CELSR1: variants seen among roughly 807,000 people sequenced by gnomAD.
CELSR1 encodes the protein cadherin EGF LAG seven-pass G-type receptor 1, also known as adhesion G protein-coupled receptor C1.
CELSR1 carries 110 observed loss-of-function variants against 249.1 expected under a neutral mutation model. That is an observed-to-expected ratio of 0.44 (90% CI 0.38 to 0.52). CELSR1 has a LOEUF of 0.52. Among genes scored for constraint, CELSR1 ranks in the 20% least tolerant of loss-of-function variants. The probability of loss-of-function intolerance (pLI) is 0.00; values close to 1 mark genes in which losing one functional copy is unlikely to be tolerated. For synonymous variants in CELSR1, 2,113 were observed against 1,900.0 expected (o/e 1.11, Z -2.92); for missense variants, 4,109 against 4,296.4 (o/e 0.96, Z 1.22).
rs541324629 is a variant in CELSR1 at position 46,405,360 on chromosome 22, T to C, written c.5226+3636A>G. On this transcript the variant is annotated intron_variant, in intron 9 of 34. Transcript: ENST00000674500. ...CTGTAGCCCCAACTACTCGGGAGGC[T>C]GAGGCAGGAGAATGGCGTGAACCTG... 6.7e-5 allele frequency among the ~76,000 whole-genome samples: 10 copies of C among 148,672 alleles called. No homozygotes were observed. In the South Asian group the frequency reaches 1.7e-3, roughly 25 times the overall value.
At chr22:46,504,510 A>AAAAC (rs796775362) in intron 1 of CELSR1, among the ~76,000 whole-genome samples, 3 of 143,576 alleles carry the variant, frequency 2.1e-5, no homozygotes, top group African/African-American at 7.5e-5. Flanking sequence ...TCTCCAAAAA[A>AAAAC]AAAAAAAAAA....
intron 5 of CELSR1, among the ~76,000 whole-genome samples, chr22:46,431,411 G>A (rs2079594269): frequency 6.6e-6 from 1 of 152,226 alleles, no homozygotes; most frequent in African/African-American, 2.4e-5. Context: ...GACCAAGGCT[G>A]ACTCGACCTC....
chr22:46,464,372 A>C lies in CELSR1; in HGVS notation c.3545-27T>G. 6.3e-7 allele frequency: 1 copy of C among 1,595,464 alleles called. No homozygotes were observed. The highest frequency in any genetic ancestry group is 8.5e-7 in the Non-Finnish European group (1 of 1,170,610). Reference sequence around the variant, plus strand: ...TGCAGACACAAGGAAAGTCAGGGTCATTCAGATGCTGCGGGAGTCACAGGT... The same window carrying C: ...TGCAGACACAAGGAAAGTCAGGGTCCTTCAGATGCTGCGGGAGTCACAGGT... On this transcript the variant is annotated intron_variant, in intron 1 of 34. Transcript: ENST00000674500. The surrounding 1 kb of genome is among the most constrained non-coding windows in gnomAD (Gnocchi z 8.5).
chr22:46,531,958 T>A (rs55768549), intron 1 of CELSR1, among the ~76,000 whole-genome samples: 144,370 of 151,980 alleles, frequency 0.95, 68,611 homozygotes, highest in East Asian at 1. Flanking sequence ...TGACTGAGAC[T>A]GGATGACTAC....
rs749849021 is a variant in CELSR1 at position 46,389,435 on chromosome 22, G to A, written c.6410C>T (p.Ala2137Val). The A allele has an allele frequency of 2.0e-5, 33 of 1,612,696 alleles. 1 individual carries two copies. The highest frequency in any genetic ancestry group is 1.6e-4 in the East Asian group (7 of 44,882). The change falls in exon 18 of 35, where the codon GCG becomes GTG. Residue 2137 changes from alanine to valine, a missense_variant. By Grantham distance (64) the Ala-to-Val change is moderately conservative. This residue lies in a region of CELSR1 where 1,805 missense variants were observed against 1,831.6 expected (regional missense o/e 0.99). Transcript: ENST00000674500. ...DGARALQLVR[A>V]LRSATQHTGT... ...CGTGTGCTGTGTAGCACTGCGCAGC[G>A]CCCTCACCAGCTGCAGGGCCCTGGC...
chr22:46,479,566 A>G (rs1357277902), intron 1 of CELSR1, among the ~76,000 whole-genome samples: 2 of 125,812 alleles, frequency 1.6e-5, no homozygotes, highest in East Asian at 5.6e-4. Context: ...GCTGGGTTCC[A>G]GGGGCCAGGG....
chr22:46,416,599 C>G (rs376685040), intron 5 of CELSR1, among the ~76,000 whole-genome samples: 1 of 152,178 alleles, frequency 6.6e-6, no homozygotes, highest in African/African-American at 2.4e-5. Context: ...GAAACAGAGC[C>G]AGCAAGGAAA....
Position 46,390,560 on chromosome 22 carries a change from A to G in CELSR1, c.6251-74T>C. Reference sequence around the variant, plus strand: ...CAATGCTTGTGTATTTCAATCCACAATCTGAATATACTTAAACCCAGAACA... The same window carrying G: ...CAATGCTTGTGTATTTCAATCCACAGTCTGAATATACTTAAACCCAGAACA... On this transcript the variant is annotated intron_variant, in intron 16 of 34. Transcript: ENST00000674500. The surrounding 1 kb of genome is among the most constrained non-coding windows in gnomAD (Gnocchi z 6.3). 1 of 1,229,116 alleles carries G rather than the reference A, an allele frequency of 8.1e-7. No individual in the cohort carries two copies. Among genetic ancestry groups the G allele is most frequent in the South Asian group, 1.3e-5 (1 of 76,910 alleles). 76.1% of individuals were successfully genotyped at this position (1,229,116 alleles called of 1,614,324 possible).
intron 19 of CELSR1, among the ~76,000 whole-genome samples, chr22:46,385,674 A>ATT (rs747955777): frequency 2.5e-4 from 33 of 132,216 alleles, no homozygotes; most frequent in East Asian, 4.5e-4. Flanking sequence ...CCTGCCGAAT[A>ATT]TTTTTTTTTT....
At chr22:46,405,459 CA>C (rs869105580) in intron 9 of CELSR1, among the ~76,000 whole-genome samples, 19,106 of 84,778 alleles carry the variant, frequency 0.23, 920 homozygotes, top group African/African-American at 0.24. Context: ...GACTCCGTCT[CA>C]AAAAAAAAAA....
rs2079173234 is a variant in CELSR1, at chr22:46,398,304, AGC to A, written c.5526+218_5526+219del. ...GCAGGTGGCTGGCATGGCGGTGGGG[AGC>A]TGTGGGGGCCAGGGACGGCCCGGAT... is the stretch of plus-strand genomic sequence containing the variant. On this transcript the variant is annotated intron_variant, in intron 11 of 34. Coordinates refer to ENST00000674500, the MANE Select transcript of CELSR1 (RefSeq NM_001378328.1). The surrounding 1 kb of genome is among the most constrained non-coding windows in gnomAD (Gnocchi z 7.2). 1.3e-5 allele frequency among the ~76,000 whole-genome samples: 2 copies of A among 151,796 alleles called. No individual in the cohort carries two copies. The highest frequency in any genetic ancestry group is 1.3e-4 in the Admixed American group (2 of 15,248).
At chr22:46,467,952 G>A (rs1452758609) in intron 1 of CELSR1, among the ~76,000 whole-genome samples, 2 of 152,102 alleles carry the variant, frequency 1.3e-5, no homozygotes, top group African/African-American at 2.4e-5. Flanking sequence ...GCTGTCTTAC[G>A]ATTAGCATGT....
In CELSR1 at chr22:46,536,217, C is replaced by G. The variant is rs752568738; in HGVS notation, c.954G>C (p.Thr318=). 1.2e-6 allele frequency: 2 copies of G among 1,612,636 alleles called. No homozygotes were observed. The highest frequency in any genetic ancestry group is 8.5e-7 in the Non-Finnish European group (1 of 1,179,986). ...CCACGGCTTTCACCCTGAGGACGTG[C>G]GTCTCCTTGGTCTCGCGGTCCAGTA... is the stretch of plus-strand genomic sequence containing the variant. ...DSVLDRETKE[T]HVLRVKAVDY... The change falls in exon 1 of 35, where the codon ACG becomes ACC. Residue 318 remains threonine, a synonymous_variant. Coordinates refer to ENST00000674500, the MANE Select transcript of CELSR1 (RefSeq NM_001378328.1).
rs2079819210 is a variant in CELSR1 at position 46,446,257 on chromosome 22, T to C, written c.4184-6846A>G. Among the ~76,000 whole-genome samples the C allele has an allele frequency of 6.6e-6, 1 of 152,204 alleles. No homozygotes were observed. The highest frequency in any genetic ancestry group is 6.5e-5 in the Admixed American group (1 of 15,288). On this transcript the variant is annotated intron_variant, in intron 2 of 34. Transcript: ENST00000674500. This position sits in a 1 kb window ranked among gnomAD's most constrained non-coding sequence, Gnocchi z 5.5. Reference sequence around the variant, plus strand: ...GCCCCGCGTCCTCTCTCTTAGTCTCTGCATGTGGCTTTCCAGTGCCTGGAG... The same window carrying C: ...GCCCCGCGTCCTCTCTCTTAGTCTCCGCATGTGGCTTTCCAGTGCCTGGAG...
Position 46,488,692 on chromosome 22 carries a change from C to G in CELSR1, c.3545-24347G>C, listed in dbSNP as rs2080339657. 6.6e-6 allele frequency among the ~76,000 whole-genome samples: 1 copy of G among 151,226 alleles called. No individual in the cohort carries two copies. Among genetic ancestry groups the G allele is most frequent in the African/African-American group, 2.4e-5 (1 of 41,034 alleles). On this transcript the variant is annotated intron_variant, in intron 1 of 34. Coordinates refer to ENST00000674500, the MANE Select transcript of CELSR1 (RefSeq NM_001378328.1). This position sits in a 1 kb window ranked among gnomAD's most constrained non-coding sequence, Gnocchi z 4.7. ...TTTTTTTTTTTGAGACGGAGTCTTG[C>G]TCTGTCACCCAGGCTGGAGTTCAGT...
chr22:46,369,391 G>T, intron 26 of CELSR1, 133 bp from the exon 27 acceptor site: 1 of 751,000 alleles, frequency 1.3e-6, no homozygotes, highest in Non-Finnish European at 2.2e-6. Context: ...CTGGCCTGTG[G>T]GGCGAAGCAC....
intron 1 of CELSR1, among the ~76,000 whole-genome samples, chr22:46,516,224 T>C (rs966561897): frequency 2.6e-5 from 4 of 152,114 alleles, no homozygotes; most frequent in South Asian, 2.1e-4. Flanking sequence ...CCACCAATGA[T>C]AGACTGGATT....
intron 1 of CELSR1, among the ~76,000 whole-genome samples, chr22:46,519,500 G>C (rs1237031819): frequency 6.6e-6 from 1 of 152,242 alleles, no homozygotes; most frequent in East Asian, 1.9e-4. Flanking sequence ...GGCCCGGGGA[G>C]CAGCGGTCTC....
rs888424501 is a variant in CELSR1 at position 46,427,108 on chromosome 22, T to TAC, written c.4611+6283_4611+6284dup. Among the ~76,000 whole-genome samples the TAC allele has an allele frequency of 2.4e-4, 37 of 152,010 alleles. No homozygotes were observed. The highest frequency in any genetic ancestry group is 3.8e-4 in the Non-Finnish European group (26 of 67,948). On this transcript the variant is annotated intron_variant, in intron 5 of 34. Transcript: ENST00000674500. This position sits in a 1 kb window ranked among gnomAD's most constrained non-coding sequence, Gnocchi z 4.2. ...TGAAGTGTGTGTGCATGTATATATG[T>TAC]ACACACACACACACCTACACAGACG... is the stretch of plus-strand genomic sequence containing the variant.
Sources: allele counts gnomAD v4.1 joint callset (sites outside exome capture counted in the v4.1 genomes callset), GRCh38; gene constraint gnomAD v4.1.1; regional missense constraint gnomAD v4.1.1; non-coding constraint Gnocchi (gnomAD v3.1); transcripts MANE v1.5; gene names NCBI Gene and HGNC (gene_info 2026-07-23, HGNC 2026-07-21).